Variants in GRID2 observed in about 807,000 individuals in gnomAD.
GRID2 encodes glutamate ionotropic receptor delta type subunit 2.
GRID2 carries 33 observed loss-of-function variants against 114.8 expected under a neutral mutation model. That is an observed-to-expected ratio of 0.29 (90% CI 0.22 to 0.38). The LOEUF is 0.38. Ranked by LOEUF, GRID2 falls within the 10% of genes least tolerant of loss-of-function variation. GRID2 has a pLI of 1.00. For missense variants in GRID2, 1,184 were observed against 1,257.7 expected (o/e 0.94, Z 0.89); for synonymous variants, 505 against 449.9 (o/e 1.12, Z -1.55).
chr4:93,572,221 T>C (rs1276904103), intron 13 of GRID2, among the ~76,000 whole-genome samples: 2 of 152,250 alleles, frequency 1.3e-5, no homozygotes, highest in East Asian at 1.9e-4. Context: ...GTCTATTTCA[T>C]ATAAAATGCA....
chr4:92,345,187 C>G (rs1258151071), intron 1 of GRID2, among the ~76,000 whole-genome samples: 1 of 152,194 alleles, frequency 6.6e-6, no homozygotes, highest in African/African-American at 2.4e-5. Flanking sequence ...GCTTCCAGCT[C>G]TTATAAGAGA....
At chr4:92,776,058 T>C (rs887839018) in intron 2 of GRID2, among the ~76,000 whole-genome samples, 1 of 152,186 alleles carries the variant, frequency 6.6e-6, no homozygotes, top group African/African-American at 2.4e-5. Flanking sequence ...AGATATGTTT[T>C]GATAATCTCA....
chr4:93,012,081 G>GAAAA (rs34374242), intron 2 of GRID2, among the ~76,000 whole-genome samples: 4 of 125,452 alleles, frequency 3.2e-5, no homozygotes, highest in Non-Finnish European at 1.7e-5. Context: ...TTATCAGGCT[G>GAAAA]AAAAAAAAAA....
At chr4:92,330,459 C>A (rs1002100299) in intron 1 of GRID2, among the ~76,000 whole-genome samples, 1 of 152,002 alleles carries the variant, frequency 6.6e-6, no homozygotes, top group Non-Finnish European at 1.5e-5. Flanking sequence ...TTACAGATTA[C>A]CTCTACATGT....
At chr4:93,670,971 C>T (rs755745229) in intron 14 of GRID2, among the ~76,000 whole-genome samples, 2 of 152,158 alleles carry the variant, frequency 1.3e-5, no homozygotes, top group African/African-American at 2.4e-5. Flanking sequence ...AGGACTATAT[C>T]AGTATCAGGT....
chr4:92,923,172 G>C (rs749684380), intron 2 of GRID2, among the ~76,000 whole-genome samples: 3 of 152,012 alleles, frequency 2.0e-5, no homozygotes, highest in Non-Finnish European at 4.4e-5. Flanking sequence ...AATGCATATT[G>C]GTTTAAATTT....
intron 14 of GRID2, among the ~76,000 whole-genome samples, chr4:93,628,835 G>A (rs1031213672): frequency 2.0e-5 from 3 of 148,432 alleles, no homozygotes; most frequent in African/African-American, 7.6e-5. Context: ...GTGCGATCTC[G>A]GCTCACTGCA....
intron 4 of GRID2, among the ~76,000 whole-genome samples, chr4:93,121,817 G>A (rs375018728): frequency 1.1e-3 from 173 of 152,134 alleles, no homozygotes; most frequent in African/African-American, 3.3e-3. Context: ...ATTTTCTGTC[G>A]TCATCATTTT....
At chr4:93,111,050 G>C in intron 4 of GRID2, 97 bp downstream of exon 4, 1 of 749,754 alleles carries the variant, frequency 1.3e-6, no homozygotes, top group Non-Finnish European at 2.3e-6. Flanking sequence ...GCAGTGCGAG[G>C]GAATTAACTA....
intron 1 of GRID2, among the ~76,000 whole-genome samples, chr4:92,529,006 A>C (rs1354123107): frequency 1.3e-5 from 2 of 152,036 alleles, no homozygotes; most frequent in Non-Finnish European, 2.9e-5. Flanking sequence ...GAAGATAGGA[A>C]ACTGCAAAAA....
intron 3 of GRID2, among the ~76,000 whole-genome samples, chr4:93,097,548 CCATT>C (rs1309270971): frequency 6.6e-6 from 1 of 151,752 alleles, no homozygotes; most frequent in African/African-American, 2.4e-5. Context: ...CATTCCAAAA[CCATT>C]CAATCAAAAT....
chr4:92,329,658 C>T (rs1560570522), intron 1 of GRID2, among the ~76,000 whole-genome samples: 3 of 151,476 alleles, frequency 2.0e-5, no homozygotes, highest in African/African-American at 7.3e-5. Context: ...CTACATATGC[C>T]CTGGGTAAAC....
intron 13 of GRID2, among the ~76,000 whole-genome samples, chr4:93,580,658 A>C (rs947807160): frequency 6.6e-6 from 1 of 152,076 alleles, no homozygotes; most frequent in African/African-American, 2.4e-5. Context: ...ATATTTTTGA[A>C]ACACTCTGCA....
intron 2 of GRID2, among the ~76,000 whole-genome samples, chr4:92,905,910 G>C (rs1747918004): frequency 6.6e-6 from 1 of 152,080 alleles, no homozygotes; most frequent in Non-Finnish European, 1.5e-5. Context: ...TCAGTACTGA[G>C]TTCGCTCTAT....
intron 2 of GRID2, among the ~76,000 whole-genome samples, chr4:92,826,923 C>T (rs996762247): frequency 6.6e-6 from 1 of 151,964 alleles, no homozygotes; most frequent in Non-Finnish European, 1.5e-5. Context: ...CCTTGGGATA[C>T]TATCAGTTCA....
At chr4:92,335,985 A>C (rs1217161820) in intron 1 of GRID2, among the ~76,000 whole-genome samples, 2 of 152,216 alleles carry the variant, frequency 1.3e-5, no homozygotes, top group African/African-American at 2.4e-5. Context: ...CAAATGCAAA[A>C]AAATTAAATT....
At chr4:92,945,883 C>A (rs755582965) in intron 2 of GRID2, among the ~76,000 whole-genome samples, 2 of 152,090 alleles carry the variant, frequency 1.3e-5, no homozygotes, top group Admixed American at 6.6e-5. Flanking sequence ...AAGATCTATG[C>A]CCCCTTAACT....
At chr4:92,796,716 G>A (rs139943703) in intron 2 of GRID2, among the ~76,000 whole-genome samples, 4 of 151,904 alleles carry the variant, frequency 2.6e-5, no homozygotes, top group Non-Finnish European at 5.9e-5. Context: ...CTCTTGGTTG[G>A]CAGATGCTGC....
intron 2 of GRID2, among the ~76,000 whole-genome samples, chr4:92,658,356 A>C (rs1253741029): frequency 1.3e-5 from 2 of 151,796 alleles, no homozygotes; most frequent in Non-Finnish European, 2.9e-5. Flanking sequence ...TCCACAGTAT[A>C]TATAACTTCA....
Sources: gnomAD v4.1 joint callset for allele counts (sites outside exome capture counted in the v4.1 genomes callset) on GRCh38, gnomAD v4.1.1 for gene constraint, MANE v1.5 for transcripts, NCBI Gene and HGNC (gene_info 2026-07-23, HGNC 2026-07-21) for gene names.